PAX7: variants seen among roughly 807,000 people sequenced by gnomAD.
PAX7 encodes paired box 7.
A neutral mutation model predicts 50.7 loss-of-function variants in PAX7; 18 were observed. The observed-to-expected ratio is 0.36, with a 90% CI of 0.25 to 0.53. The LOEUF is 0.53. Among genes scored for constraint, PAX7 ranks in the 20% least tolerant of loss-of-function variants. The pLI is 0.93. For missense variants in PAX7, 644 were observed against 702.9 expected, an observed-to-expected ratio of 0.92 and a Z score of 0.95; for synonymous variants, 310 against 290.4, an observed-to-expected ratio of 1.07 and a Z score of -0.69.
intron 7 of PAX7, among the ~76,000 whole-genome samples, chr1:18,717,924 G>C (rs955857084): frequency 2.0e-5 from 3 of 152,214 alleles, no homozygotes; most frequent in African/African-American, 4.8e-5. Flanking sequence ...CCCCTCTTAG[G>C]GGGAGAAATA....
At position 18,745,801 on chromosome 1, in the gene PAX7, G is replaced by A. The variant is rs1931416463; in HGVS notation, c.*872G>A. On this transcript the variant is annotated 3_prime_UTR_variant, in exon 9 of 9. Transcript: ENST00000420770. ...CAGAACTTTTCAGTTTCCTTCATTAGCTGAATCAGATGAGATGGGGAGGGG... is the reference window on the plus strand; with the variant it reads ...CAGAACTTTTCAGTTTCCTTCATTAACTGAATCAGATGAGATGGGGAGGGG... 3 of 232,260 alleles carry A rather than the reference G, an allele frequency of 1.3e-5. No individual in the cohort carries two copies. Among genetic ancestry groups the A allele is most frequent in the Middle Eastern group, 1.3e-3 (1 of 780 alleles). The allele number at this position is 232,260 out of a possible 1,614,324, so 14.4% of individuals were successfully genotyped here.
chr1:18,738,724 A>G (rs1930942290), intron 8 of PAX7, among the ~76,000 whole-genome samples: 2 of 151,900 alleles, frequency 1.3e-5, no homozygotes, highest in South Asian at 4.2e-4. Context: ...AACTCACCCC[A>G]CAGAGACTCT....
chr1:18,664,270 G>A (rs1039642199), intron 4 of PAX7, among the ~76,000 whole-genome samples: 1 of 152,264 alleles, frequency 6.6e-6, no homozygotes, highest in Non-Finnish European at 1.5e-5. Context: ...ATTCCCTTTT[G>A]TTGGAAAGAT....
In PAX7 at chr1:18,636,322, C is replaced by T. The variant is rs372598486; in HGVS notation, c.537C>T (p.Asp179=). ...EEDEADKKED[D]GEKKAKHSID... ...ATGAAGCGGACAAGAAGGAGGACGA[C>T]GGCGAAAAGAAGGCCAAACACAGCA... is the stretch of plus-strand genomic sequence containing the variant. Residue 179 remains aspartate (D), a synonymous_variant, in exon 4 of 9, where the codon GAC becomes GAT. Coordinates refer to ENST00000420770, the MANE Select transcript of PAX7 (RefSeq NM_001135254.2). The surrounding 1 kb of genome is among the most constrained non-coding windows in gnomAD (Gnocchi z 5.1). The T allele has an allele frequency of 5.0e-6, 8 of 1,614,200 alleles. No homozygotes were observed. Among genetic ancestry groups the T allele is most frequent in the Non-Finnish European group, 6.8e-6 (8 of 1,180,006 alleles).
At chr1:18,671,170 G>T (rs1041181439) in intron 4 of PAX7, among the ~76,000 whole-genome samples, 5 of 152,194 alleles carry the variant, frequency 3.3e-5, no homozygotes, top group Admixed American at 6.5e-5. Context: ...GTAGAGAGGG[G>T]CCTAGAAGGC....
chr1:18,664,482 G>A (rs531880206), intron 4 of PAX7, among the ~76,000 whole-genome samples: 9 of 152,288 alleles, frequency 5.9e-5, no homozygotes, highest in East Asian at 1.9e-4. Context: ...GCAGCCACAC[G>A]AAAGTCCAGT....
In PAX7 at chr1:18,703,173, A is replaced by C; in HGVS notation, c.1032A>C (p.Ala344=). 1 of 1,612,226 alleles carries C rather than the reference A, an allele frequency of 6.2e-7. No individual in the cohort carries two copies. The highest frequency in any genetic ancestry group is 8.5e-7 in the Non-Finnish European group (1 of 1,179,672). The change falls in exon 7 of 9, where the codon GCA becomes GCC. Residue 344 remains alanine (A), a synonymous_variant. Transcript: ENST00000420770. ...MHQGGLAAAA[A]AADTSSAYGA... ...AGGGCGGGCTGGCTGCAGCGGCTGCAGCCGCCGACACCAGCTCTGCCTACG... is the reference window on the plus strand; with the variant it reads ...AGGGCGGGCTGGCTGCAGCGGCTGCCGCCGCCGACACCAGCTCTGCCTACG...
At chr1:18,667,876 C>T (rs1039193280) in intron 4 of PAX7, among the ~76,000 whole-genome samples, 13 of 152,236 alleles carry the variant, frequency 8.5e-5, no homozygotes, top group African/African-American at 2.6e-4. Flanking sequence ...GACACATGCC[C>T]TCTCCCCAGC....
At chr1:18,712,425 C>T (rs554763163) in intron 7 of PAX7, among the ~76,000 whole-genome samples, 22 of 152,334 alleles carry the variant, frequency 1.4e-4, no homozygotes, top group African/African-American at 4.8e-4. Context: ...TGAAAATAGA[C>T]TCGTGTTTAT....
At chr1:18,731,997 G>C (rs1390133111) in intron 7 of PAX7, among the ~76,000 whole-genome samples, 1 of 152,078 alleles carries the variant, frequency 6.6e-6, no homozygotes, top group African/African-American at 2.4e-5. Flanking sequence ...AAACCTGCTG[G>C]GTGTATCTCG....
rs1319590264 is a variant in PAX7 at position 18,748,591 on chromosome 1, C to A, written c.*3662C>A. On this transcript the variant is annotated 3_prime_UTR_variant, in exon 9 of 9. Coordinates refer to ENST00000420770, the MANE Select transcript of PAX7 (RefSeq NM_001135254.2). ...ATAGTACTCTAGATCATTCCTTCTT[C>A]CTAGTAACTGCAACTTTGTTGCTTC... is the stretch of plus-strand genomic sequence containing the variant. 3.9e-5 allele frequency: 9 copies of A among 231,852 alleles called. No individual in the cohort carries two copies. The highest frequency in any genetic ancestry group is 6.8e-5 in the Non-Finnish European group (8 of 117,228). 14.4% of individuals were successfully genotyped at this position (231,852 alleles called of 1,614,324 possible). A position where few individuals can be genotyped will look rare whatever the true frequency, so the allele number is the denominator to read the frequency against.
chr1:18,691,801 C>A lies in PAX7; in HGVS notation c.634C>A (p.Pro212Thr). 6.2e-7 allele frequency: 1 copy of A among 1,607,880 alleles called. No homozygotes were observed. Among genetic ancestry groups the A allele is most frequent in the Non-Finnish European group, 8.5e-7 (1 of 1,177,462 alleles). Residue 212 changes from proline (P) to threonine (T), a missense_variant, in exon 5 of 9, where the codon CCA becomes ACA. Coordinates refer to ENST00000420770, the MANE Select transcript of PAX7 (RefSeq NM_001135254.2). Reference protein sequence around the residue: ...GSDVESEPDLPLKRKQRRSRT... With the variant: ...GSDVESEPDLTLKRKQRRSRT... ...GGATGTGGAGTCGGAACCTGACCTC[C>A]CACTGAAGCGCAAGCAGCGACGCAG...
At chr1:18,696,101 C>T (rs1263600992) in intron 5 of PAX7, among the ~76,000 whole-genome samples, 1 of 142,314 alleles carries the variant, frequency 7.0e-6, no homozygotes, top group Admixed American at 7.4e-5. Flanking sequence ...GAGTTTCACT[C>T]ATCGCCCAGG....
chr1:18,635,663 T>C lies in PAX7; in HGVS notation c.451+423T>C, dbSNP rs377109263. 5.9e-5 allele frequency among the ~76,000 whole-genome samples: 9 copies of C among 152,214 alleles called. No individual in the cohort carries two copies. In the East Asian group the frequency reaches 1.4e-3, roughly 23 times the overall value. On this transcript the variant is annotated intron_variant, in intron 3 of 8. Transcript: ENST00000420770. ...AGAAAATGGCTTCAATAGATGGATC[T>C]GTCCTAGGAGGGTGGATGCCCATGG...
chr1:18,739,309 T>C (rs1930990084), intron 8 of PAX7, among the ~76,000 whole-genome samples: 1 of 152,236 alleles, frequency 6.6e-6, no homozygotes, highest in Non-Finnish European at 1.5e-5. Flanking sequence ...AGCCCACCCA[T>C]GCGTGGATTC....
chr1:18,744,810 C>G lies in PAX7; in HGVS notation c.1403-4C>G, dbSNP rs778575975. 17 of 1,537,182 alleles carry G rather than the reference C, an allele frequency of 1.1e-5. No homozygotes were observed. The highest frequency in any genetic ancestry group is 1.4e-5 in the Non-Finnish European group (16 of 1,133,912). ...TTTCTAGGAGAGTCTCTTCTTTTTT[C>G]CAGCTGCTGTTGATTATCTGGCCAA... On this transcript the variant is annotated splice_region_variant and splice_polypyrimidine_tract_variant and intron_variant, in intron 8 of 8. Coordinates refer to ENST00000420770, the MANE Select transcript of PAX7 (RefSeq NM_001135254.2).
rs2100408549 is a variant in PAX7 at position 18,631,033 on chromosome 1, T to G, written c.-571T>G. ...AAGCTGGTGTGGAGGGAGAAGCGAG[T>G]GTGGTCCGGAGAAAGAAGGCGTGGA... On this transcript the variant is annotated 5_prime_UTR_variant, in exon 1 of 9. Coordinates refer to ENST00000420770, the MANE Select transcript of PAX7 (RefSeq NM_001135254.2). 8.8e-6 allele frequency: 2 copies of G among 226,314 alleles called. No individual in the cohort carries two copies. Among genetic ancestry groups the G allele is most frequent in the Non-Finnish European group, 1.8e-5 (2 of 113,850 alleles). 14.0% of individuals were successfully genotyped at this position (226,314 alleles called of 1,614,324 possible). A position where few individuals can be genotyped will look rare whatever the true frequency, so the allele number is the denominator to read the frequency against.
chr1:18,646,979 G>T (rs1299110661), intron 4 of PAX7, among the ~76,000 whole-genome samples: 3 of 144,136 alleles, frequency 2.1e-5, no homozygotes, highest in African/African-American at 5.2e-5. Context: ...GGGGTGGGGT[G>T]GGGGGGAGGG....
chr1:18,641,629 A>G (rs1294618149), intron 4 of PAX7, among the ~76,000 whole-genome samples: 1 of 152,220 alleles, frequency 6.6e-6, no homozygotes, highest in East Asian at 1.9e-4. Flanking sequence ...CGCAGCGGTT[A>G]AAGGAATTAG....
Sources: allele counts gnomAD v4.1 joint callset (sites outside exome capture counted in the v4.1 genomes callset), GRCh38; gene constraint gnomAD v4.1.1; non-coding constraint Gnocchi (gnomAD v3.1); transcripts MANE v1.5; gene names NCBI Gene and HGNC (gene_info 2026-07-23, HGNC 2026-07-21).